ADGRD1: variants seen among roughly 807,000 people sequenced by gnomAD.
The protein encoded by ADGRD1 is adhesion G protein-coupled receptor D1.
A neutral mutation model predicts 113.4 loss-of-function variants in ADGRD1; 77 were observed. The ratio of observed to expected loss-of-function variants is 0.68; its 90% CI spans 0.57 to 0.82. The LOEUF (loss-of-function observed/expected upper bound fraction) is 0.82. Among genes scored for constraint, ADGRD1 ranks in the 40% least tolerant of loss-of-function variants. The pLI, the probability that ADGRD1 is intolerant of heterozygous loss-of-function variation, is 0.00. For synonymous variants in ADGRD1, 474 were observed against 475.0 expected, an observed-to-expected ratio of 1.00 and a Z score of 0.03; for missense variants, 1,036 against 1,139.1, an observed-to-expected ratio of 0.91 and a Z score of 1.30.
chr12:131,003,079 C>T lies in ADGRD1; in HGVS notation c.1027-106C>T, dbSNP rs1026045498. 3.4e-6 allele frequency: 3 copies of T among 892,902 alleles called. No individual in the cohort carries two copies. The highest frequency in any genetic ancestry group is 2.8e-5 in the South Asian group (2 of 70,386). 55.3% of individuals were successfully genotyped at this position (892,902 alleles called of 1,614,324 possible). A position where few individuals can be genotyped will look rare whatever the true frequency, so the allele number is the denominator to read the frequency against. ...GCAGTTGTGTGACTTCTTCCTCCCTCGTGGCCAACGTGGGGAAACTTGATT... is the reference window on the plus strand; with the variant it reads ...GCAGTTGTGTGACTTCTTCCTCCCTTGTGGCCAACGTGGGGAAACTTGATT... On this transcript the variant is annotated intron_variant, in intron 9 of 24. Transcript: ENST00000261654. The surrounding 1 kb of genome is among the most constrained non-coding windows in gnomAD (Gnocchi z 4.8).
intron 13 of ADGRD1, among the ~76,000 whole-genome samples, chr12:131,042,977 C>T (rs1882294303): frequency 6.6e-6 from 1 of 152,240 alleles, no homozygotes; most frequent in Non-Finnish European, 1.5e-5. Context: ...TGCGGCCCTC[C>T]CCGCCCTGCG....
chr12:131,021,649 A>C (rs1248402248), intron 13 of ADGRD1, among the ~76,000 whole-genome samples: 2 of 152,112 alleles, frequency 1.3e-5, no homozygotes, highest in Non-Finnish European at 2.9e-5. Flanking sequence ...GCTTGCAGAC[A>C]GTGTCTTCTC....
intron 18 of ADGRD1, among the ~76,000 whole-genome samples, chr12:131,117,679 G>C (rs11061335): frequency 0.22 from 33,376 of 152,134 alleles, 4,559 homozygotes; most frequent in South Asian, 0.39. Context: ...ATGCCTCAGA[G>C]CCAGGAAGGA....
chr12:130,992,185 A>G, intron 7 of ADGRD1, 52 bp from the exon 8 acceptor site: 2 of 1,411,892 alleles, frequency 1.4e-6, no homozygotes, highest in Non-Finnish European at 2.0e-6. Context: ...ACTTCTGTAT[A>G]ATATTTTGGT....
chr12:131,012,104 G>A (rs1469205244), intron 12 of ADGRD1, among the ~76,000 whole-genome samples: 3 of 152,090 alleles, frequency 2.0e-5, no homozygotes, highest in South Asian at 2.1e-4. Flanking sequence ...CCGGGTCTGC[G>A]GCTCTGCAGA....
At chr12:130,996,308 G>A (rs1875334637) in intron 8 of ADGRD1, among the ~76,000 whole-genome samples, 1 of 147,156 alleles carries the variant, frequency 6.8e-6, no homozygotes, top group African/African-American at 2.5e-5. Context: ...TCCCAGACGG[G>A]GTGGTGGCCG....
chr12:130,965,562 C>T lies in ADGRD1; in HGVS notation c.104-901C>T, dbSNP rs1486085830. Among the ~76,000 whole-genome samples, 2 of 152,020 alleles carry T rather than the reference C, an allele frequency of 1.3e-5. No homozygotes were observed. The highest frequency in any genetic ancestry group is 3.9e-4 in the East Asian group (2 of 5,188). Reference sequence around the variant, plus strand: ...CTAAAATTGTATGCATAAAGCCACTCATGTCAGCGCCACCTGTACGAATAA... The same window carrying T: ...CTAAAATTGTATGCATAAAGCCACTTATGTCAGCGCCACCTGTACGAATAA... On this transcript the variant is annotated intron_variant, in intron 2 of 24. Coordinates refer to ENST00000261654, the MANE Select transcript of ADGRD1 (RefSeq NM_198827.5). The surrounding 1 kb of genome is among the most constrained non-coding windows in gnomAD (Gnocchi z 4.8).
chr12:131,035,625 G>T (rs78233646), intron 13 of ADGRD1: 51,632 of 151,980 alleles, frequency 0.34, 10,641 homozygotes, highest in South Asian at 0.52. Flanking sequence ...ACTGATGATG[G>T]GGTGTTAGCA....
Position 131,135,262 on chromosome 12 carries a change from G to A in ADGRD1, c.2268-775G>A, listed in dbSNP as rs377135510. ...CCCTGTATCACCTTAGCCATTACCA[G>A]GGGCTGTGGGGCCTCAGTTTCCTTA... On this transcript the variant is annotated intron_variant, in intron 21 of 24. Transcript: ENST00000261654. Among the ~76,000 whole-genome samples the A allele has an allele frequency of 2.6e-4, 39 of 152,298 alleles. No individual in the cohort carries two copies. The East Asian group carries it at 6.2e-3, about 24-fold the overall frequency.
chr12:130,999,352 T>C (rs560724386), intron 8 of ADGRD1, among the ~76,000 whole-genome samples: 1 of 152,360 alleles, frequency 6.6e-6, no homozygotes, highest in African/African-American at 2.4e-5. Context: ...CTTTAAGAAG[T>C]TTGCTGCCCC....
intron 20 of ADGRD1, among the ~76,000 whole-genome samples, chr12:131,125,712 C>T (rs1321508991): frequency 6.6e-6 from 1 of 152,134 alleles, no homozygotes; most frequent in Non-Finnish European, 1.5e-5. Flanking sequence ...GGATTAAGTC[C>T]TGATAAACTC....
chr12:131,039,521 C>G (rs1292119629), intron 13 of ADGRD1, among the ~76,000 whole-genome samples: 3 of 152,246 alleles, frequency 2.0e-5, no homozygotes, highest in Non-Finnish European at 4.4e-5. Context: ...GAGTCCTGTT[C>G]CCTGCAGGGA....
intron 15 of ADGRD1, among the ~76,000 whole-genome samples, chr12:131,100,265 G>T (rs1950039455): frequency 6.6e-6 from 1 of 151,970 alleles, no homozygotes; most frequent in Non-Finnish European, 1.5e-5. Flanking sequence ...AGGTAAGGTT[G>T]GTTGATGGTG....
At chr12:130,972,789 A>G (rs1413952777) in intron 4 of ADGRD1, among the ~76,000 whole-genome samples, 1 of 152,120 alleles carries the variant, frequency 6.6e-6, no homozygotes, top group Non-Finnish European at 1.5e-5. Flanking sequence ...AGAGGCATCC[A>G]GAAAGCTCCA....
At chr12:131,004,949 C>T (rs1876896711) in intron 11 of ADGRD1, among the ~76,000 whole-genome samples, 2 of 152,244 alleles carry the variant, frequency 1.3e-5, no homozygotes, top group South Asian at 2.1e-4. Flanking sequence ...TCCTTCCTCT[C>T]CTTCCCTCCC....
intron 13 of ADGRD1, among the ~76,000 whole-genome samples, chr12:131,054,908 C>T (rs1883719707): frequency 6.6e-6 from 1 of 152,202 alleles, no homozygotes; most frequent in African/African-American, 2.4e-5. Context: ...CTGTGAAAGG[C>T]ACAAATTCAC....
intron 8 of ADGRD1, among the ~76,000 whole-genome samples, chr12:130,997,275 C>T (rs868760437): frequency 4.8e-4 from 72 of 150,064 alleles, no homozygotes; most frequent in Middle Eastern, 3.6e-3. Flanking sequence ...CCCGTCACCT[C>T]CCGGACGGGG....
At chr12:131,070,909 A>T (rs760167190) in intron 13 of ADGRD1, 3 of 518,998 alleles carry the variant, frequency 5.8e-6, no homozygotes, top group Non-Finnish European at 1.2e-5. Flanking sequence ...GCCATCCAGG[A>T]TGGTGGAGAA....
chr12:131,138,106 T>C lies in ADGRD1; in HGVS notation c.2437-31T>C, dbSNP rs376436564. On this transcript the variant is annotated intron_variant, in intron 23 of 24. Transcript: ENST00000261654. ...GTTACGGCTGTTGCAGCCTCTGAAATTGCTCTCACGATCCCTTCCCCGCTT... is the reference window on the plus strand; with the variant it reads ...GTTACGGCTGTTGCAGCCTCTGAAACTGCTCTCACGATCCCTTCCCCGCTT... 1.7e-4 allele frequency: 264 copies of C among 1,586,236 alleles called. No individual in the cohort carries two copies. In the African/African-American group the frequency reaches 3.2e-3, roughly 20 times the overall value.
Sources: gnomAD v4.1 joint callset for allele counts (sites outside exome capture counted in the v4.1 genomes callset) on GRCh38, gnomAD v4.1.1 for gene constraint, Gnocchi (gnomAD v3.1) non-coding constraint, MANE v1.5 for transcripts, NCBI Gene and HGNC (gene_info 2026-07-23, HGNC 2026-07-21) for gene names.